Variants in COL4A6 observed in about 807,000 individuals in gnomAD.
The protein encoded by COL4A6 is collagen type IV alpha 6 chain, also known as collagen alpha-6(IV) chain.
Under a neutral mutation model 126.7 loss-of-function variants are expected in COL4A6, and 59 were observed. The ratio of observed to expected loss-of-function variants is 0.47; its 90% CI spans 0.38 to 0.58. COL4A6 has a LOEUF of 0.58. COL4A6 is among the 20% of genes least tolerant of loss of function. COL4A6 has a pLI of 0.00. For missense variants in COL4A6, 1,285 were observed against 1,337.3 expected (o/e 0.96, Z 0.61); for synonymous variants, 547 against 496.6 (o/e 1.10, Z -1.35).
rs764963743 is a variant in COL4A6 at position 108,211,707 on chromosome X, G to T, written c.475C>A (p.Pro159Thr). The T allele has an allele frequency of 8.3e-7, 1 of 1,210,995 alleles. No homozygotes were observed. The highest frequency in any genetic ancestry group is 2.2e-5 in the Admixed American group (1 of 46,099). Residue 159 changes from proline to threonine, a missense_variant, in exon 7 of 45, where the codon CCT (proline) becomes ACT (threonine). By Grantham distance (38) the Pro-to-Thr change is conservative (BLOSUM62 -1). Transcript: ENST00000334504. The stretch of plus-strand genomic sequence containing the variant: ...TTGAAACTACCTGGAGCAAGGACAG[G>T]GTCACCTTTTGATCCTTTCTGACCA... The part of the protein sequence containing the change: ...LPGQKGSKGD[P>T]VLAPGSFKGM...
chrX:108,229,089 A>T (rs1029070578), intron 3 of COL4A6, among the ~76,000 whole-genome samples: 5 of 112,177 alleles, frequency 4.5e-5, no homozygotes, highest in Non-Finnish European at 9.4e-5. Flanking sequence ...GATCACAGAG[A>T]ATCAGTAAGA....
chrX:108,215,420 G>T (rs1470502088), intron 5 of COL4A6, among the ~76,000 whole-genome samples: 2 of 111,542 alleles, frequency 1.8e-5, no homozygotes, highest in Non-Finnish European at 3.8e-5. Flanking sequence ...TGGGGAAGCT[G>T]ATGCAGCTCA....
rs372858356 is a variant in COL4A6, at chrX:108,162,997, C to T, written c.4111G>A (p.Ala1371Thr). 3.1e-5 allele frequency: 37 copies of T among 1,198,740 alleles called. 1 individual carries two copies. Among genetic ancestry groups the T allele is most frequent in the Non-Finnish European group, 1.3e-5 (12 of 890,722 alleles). Residue 1371 changes from alanine (A) to threonine (T), a missense_variant, in exon 41 of 45, where the codon GCA becomes ACA. Ala to Thr is a moderately conservative substitution (Grantham distance 58, BLOSUM62 0). Coordinates refer to ENST00000334504, the MANE Select transcript of COL4A6 (RefSeq NM_033641.4). ...LQGDPGQTPT[A>T]EAVQVPPGPL... ...CCAGGAGGAACCTGGACAGCTTCTGCAGTTGGTGTTTGTCCAGGATCACCT... is the reference window on the plus strand; with the variant it reads ...CCAGGAGGAACCTGGACAGCTTCTGTAGTTGGTGTTTGTCCAGGATCACCT...
Position 108,202,940 on chromosome X carries a change from A to T in COL4A6, c.822T>A (p.Pro274=). 1 of 1,208,283 alleles carries T rather than the reference A, an allele frequency of 8.3e-7. No individual in the cohort carries two copies. The highest frequency in any genetic ancestry group is 1.1e-6 in the Non-Finnish European group (1 of 893,849). ...GPKGFPGISG[P]PGFPGLGTTG... ...TAGAGAGACTTACCGGGAAGCCTGGAGGGCCACTTATGCCTGGAAAACCCT... is the reference window on the plus strand; with the variant it reads ...TAGAGAGACTTACCGGGAAGCCTGGTGGGCCACTTATGCCTGGAAAACCCT... The change falls in exon 13 of 45, where the codon CCT becomes CCA. Residue 274 remains proline, a synonymous_variant. Coordinates refer to ENST00000334504, the MANE Select transcript of COL4A6 (RefSeq NM_033641.4).
At position 108,164,921 on chromosome X, in the gene COL4A6, C is replaced by A; in HGVS notation, c.3926G>T (p.Gly1309Val). 8.3e-7 allele frequency: 1 copy of A among 1,208,624 alleles called. No individual in the cohort carries two copies. Among genetic ancestry groups the A allele is most frequent in the Non-Finnish European group, 1.1e-6 (1 of 894,058 alleles). The change falls in exon 39 of 45, where the codon GGA (glycine) becomes GTA (valine). Residue 1309 changes from glycine to valine, a missense_variant. Transcript: ENST00000334504. ...PGPKGPKGDQGIPGFSGLPGE... is the reference protein window; with the variant it reads ...PGPKGPKGDQVIPGFSGLPGE... ...AGGGAGGCCAGAAAAACCTGGAATT[C>A]CTTGGTCTCCCTTAGGCCCTTTAGG...
intron 41 of COL4A6, 48 bp from the exon 42 acceptor site, chrX:108,161,783 C>T: frequency 1.2e-6 from 1 of 864,287 alleles, no homozygotes; most frequent in Non-Finnish European, 1.7e-6. Flanking sequence ...AGAGGGTCCC[C>T]AGGCACCTTC....
At chrX:108,406,939 G>T (rs902042649) in intron 2 of COL4A6, among the ~76,000 whole-genome samples, 2 of 111,749 alleles carry the variant, frequency 1.8e-5, no homozygotes, top group African/African-American at 3.3e-5. Context: ...AATGATTGTG[G>T]AAGGAAGGAA....
At chrX:108,296,983 C>A (rs1320369240) in intron 3 of COL4A6, among the ~76,000 whole-genome samples, 1 of 111,897 alleles carries the variant, frequency 8.9e-6, no homozygotes, top group Non-Finnish European at 1.9e-5. Flanking sequence ...GAGAGATTAC[C>A]ATTGTAATTA....
chrX:108,322,740 G>A (rs1216172136), intron 2 of COL4A6, among the ~76,000 whole-genome samples: 2 of 111,993 alleles, frequency 1.8e-5, no homozygotes, highest in African/African-American at 6.5e-5. Context: ...GCTAGTCATA[G>A]GGAGCATGTG....
At chrX:108,165,562 G>T in intron 37 of COL4A6, 76 bp from the exon 38 acceptor site, 1 of 710,859 alleles carries the variant, frequency 1.4e-6, no homozygotes. Context: ...AGAGAAAATG[G>T]AAGCTCACAC....
chrX:108,177,010 T>G lies in COL4A6; in HGVS notation c.2517A>C (p.Gly839=). ...CTCTTGTTCCTTTCTTTCCAGGATGTCCTGAATAAGCACAGGAGAGAACAC... is the reference window on the plus strand; with the variant it reads ...CTCTTGTTCCTTTCTTTCCAGGATGGCCTGAATAAGCACAGGAGAGAACAC... The part of the protein sequence containing the change: ...PGAPGFPGIS[G]HPGKKGTRGK... The change falls in exon 28 of 45, where the codon GGA becomes GGC. Residue 839 remains glycine, a splice_region_variant and synonymous_variant. Transcript: ENST00000334504. The G allele has an allele frequency of 8.3e-7, 1 of 1,209,585 alleles. No homozygotes were observed. The highest frequency in any genetic ancestry group is 1.1e-6 in the Non-Finnish European group (1 of 894,202).
intron 2 of COL4A6, among the ~76,000 whole-genome samples, chrX:108,321,807 C>A (rs2039038610): frequency 9.0e-6 from 1 of 111,292 alleles, no homozygotes; most frequent in South Asian, 3.8e-4. Context: ...GCCACATTCA[C>A]AATAATGGCT....
intron 3 of COL4A6, among the ~76,000 whole-genome samples, chrX:108,254,029 C>T (rs2036926696): frequency 9.0e-6 from 1 of 111,605 alleles, no homozygotes; most frequent in South Asian, 3.7e-4. Context: ...ACACAACCTT[C>T]CTGCCTCACA....
At chrX:108,289,213 A>G (rs1298647860) in intron 3 of COL4A6, among the ~76,000 whole-genome samples, 1 of 107,390 alleles carries the variant, frequency 9.3e-6, no homozygotes, top group Admixed American at 1.0e-4. Context: ...TATTTTATCA[A>G]TGTTATATTT....
Position 108,169,638 on chromosome X carries a change from G to T in COL4A6, c.3566-18C>A, listed in dbSNP as rs1490756891. The stretch of plus-strand genomic sequence containing the variant: ...ACTAGGTCCTAGGAGGAGATGCAGG[G>T]GTAGGGGGCAGACCTCAGTGGAGGT... On this transcript the variant is annotated intron_variant, in intron 36 of 44. Coordinates refer to ENST00000334504, the MANE Select transcript of COL4A6 (RefSeq NM_033641.4). 3.3e-6 allele frequency: 4 copies of T among 1,200,523 alleles called. No individual in the cohort carries two copies. Among genetic ancestry groups the T allele is most frequent in the Non-Finnish European group, 4.5e-6 (4 of 889,417 alleles).
At chrX:108,419,132 A>C (rs1188446447) in intron 2 of COL4A6, among the ~76,000 whole-genome samples, 1 of 112,330 alleles carries the variant, frequency 8.9e-6, no homozygotes, top group East Asian at 2.8e-4. Context: ...TATAAAAAGT[A>C]ACTCCAAACT....
intron 2 of COL4A6, among the ~76,000 whole-genome samples, chrX:108,320,016 G>A (rs1267749369): frequency 9.0e-6 from 1 of 111,717 alleles, no homozygotes; most frequent in Non-Finnish European, 1.9e-5. Context: ...CAGGTGGGAA[G>A]GCAGAATACA....
At position 108,174,268 on chromosome X, in the gene COL4A6, T is replaced by G. The variant is rs780498361; in HGVS notation, c.3138+172A>C. Among the ~76,000 whole-genome samples the G allele has an allele frequency of 7.9e-4, 88 of 111,613 alleles. 1 individual carries two copies. Among genetic ancestry groups the G allele is most frequent in the African/African-American group, 2.8e-3 (86 of 30,734 alleles). On this transcript the variant is annotated intron_variant, in intron 31 of 44. Coordinates refer to ENST00000334504, the MANE Select transcript of COL4A6 (RefSeq NM_033641.4). ...AACAAAAGAACAGAGGAGGAGATGT[T>G]CAGGAAAGGGTGGGAAGACCTGTCA...
intron 2 of COL4A6, among the ~76,000 whole-genome samples, chrX:108,340,802 A>C (rs182885247): frequency 1.3e-5 from 1 of 77,192 alleles, no homozygotes; most frequent in East Asian, 4.7e-4. Context: ...AAATAAAGTT[A>C]TTTTTCTTCC....
Sources: gnomAD v4.1 joint callset for allele counts (sites outside exome capture counted in the v4.1 genomes callset) on GRCh38, gnomAD v4.1.1 for gene constraint, MANE v1.5 for transcripts, NCBI Gene and HGNC (gene_info 2026-07-23, HGNC 2026-07-21) for gene names.